STRADA: variants seen among roughly 807,000 people sequenced by gnomAD.
STRADA encodes STE20-related kinase adapter protein alpha.
A neutral mutation model predicts 55.0 loss-of-function variants in STRADA; 26 were observed. That is an observed-to-expected ratio of 0.47 (90% CI 0.35 to 0.66). The LOEUF (loss-of-function observed/expected upper bound fraction) is 0.66. STRADA is among the 30% of genes least tolerant of loss of function. The pLI is 0.01. For missense variants in STRADA, 443 were observed against 549.7 expected (o/e 0.81, Z 1.94); for synonymous variants, 197 against 210.9 (o/e 0.93, Z 0.57).
rs202183893 is a variant in STRADA at position 63,704,047 on chromosome 17, C to T, written c.1101G>A (p.Arg367=). Residue 367 remains arginine, a splice_region_variant and synonymous_variant, in exon 12 of 13, where the codon AGG becomes AGA. Coordinates refer to ENST00000336174, the MANE Select transcript of STRADA (RefSeq NM_001003787.4). Reference sequence around the variant, plus strand: ...GGTTCAGGAGGGTGCTGGCACTGGGCCTGGAGGGAAAGGGGAGGAGAGACC... The same window carrying T: ...GGTTCAGGAGGGTGCTGGCACTGGGTCTGGAGGGAAAGGGGAGGAGAGACC... ...EQCLQRNPDA[R]PSASTLLNHS... The T allele has an allele frequency of 2.2e-4, 352 of 1,613,274 alleles. No homozygotes were observed. The highest frequency in any genetic ancestry group is 2.8e-4 in the Non-Finnish European group (336 of 1,179,658).
intron 4 of STRADA, among the ~76,000 whole-genome samples, chr17:63,715,013 T>G (rs185528159): frequency 4.0e-4 from 61 of 152,326 alleles, no homozygotes; most frequent in Admixed American, 2.7e-3. Flanking sequence ...CTGGGCCAGC[T>G]CATGTTTCAT....
At chr17:63,739,178 A>G (rs2038683766) in intron 1 of STRADA, among the ~76,000 whole-genome samples, 1 of 148,710 alleles carries the variant, frequency 6.7e-6, no homozygotes, top group Non-Finnish European at 1.5e-5. Flanking sequence ...AAATAGACAC[A>G]GGGATGGAGA....
chr17:63,728,032 G>A (rs2037771283), intron 2 of STRADA: 4 of 272,912 alleles, frequency 1.5e-5, no homozygotes, highest in South Asian at 1.9e-4. Flanking sequence ...GCAGTTAAAC[G>A]TCTACACTTA....
In STRADA at chr17:63,703,552, G is replaced by T; in HGVS notation, c.*47C>A. On this transcript the variant is annotated 3_prime_UTR_variant, in exon 13 of 13. Transcript: ENST00000336174. ...GCCGGCCCTCAGGAAGGGCCTCTGG[G>T]TGGCCTCTGCATCCCTGGCTGGAGA... The T allele has an allele frequency of 6.4e-7, 1 of 1,566,360 alleles. No individual in the cohort carries two copies. Among genetic ancestry groups the T allele is most frequent in the Non-Finnish European group, 8.7e-7 (1 of 1,150,196 alleles).
At chr17:63,716,810 C>A (rs1330481159) in intron 4 of STRADA, among the ~76,000 whole-genome samples, 2 of 152,204 alleles carry the variant, frequency 1.3e-5, no homozygotes, top group African/African-American at 4.8e-5. Flanking sequence ...GTCTAGGGAA[C>A]CTTTTGTGCC....
At chr17:63,712,613 C>G (rs192760930) in intron 6 of STRADA, 1 of 152,108 alleles carries the variant, frequency 6.6e-6, no homozygotes, top group Non-Finnish European at 1.5e-5. Context: ...GGGGCTGAGG[C>G]AGGAGAATCA....
At chr17:63,713,577 T>C (rs1679850556) in intron 5 of STRADA, 50 bp from the exon 6 acceptor site, 8 of 1,585,248 alleles carry the variant, frequency 5.0e-6, no homozygotes, top group South Asian at 1.2e-5. Context: ...AACAAAAGGT[T>C]TTAAGAAAAT....
At chr17:63,705,284 C>T (rs2036008073) in intron 10 of STRADA, 1 of 307,992 alleles carries the variant, frequency 3.2e-6, no homozygotes, top group African/African-American at 2.1e-5. Flanking sequence ...TCTCACTGGT[C>T]ACCTTCTAAA....
chr17:63,724,187 G>T (rs1157326197), intron 3 of STRADA, among the ~76,000 whole-genome samples: 1 of 151,748 alleles, frequency 6.6e-6, no homozygotes, highest in East Asian at 1.9e-4. Flanking sequence ...TTATCCCCTA[G>T]GCTGGAGTGC....
chr17:63,707,478 G>A, intron 8 of STRADA, 60 bp from the exon 9 acceptor site: 1 of 1,576,558 alleles, frequency 6.3e-7, no homozygotes, highest in South Asian at 1.1e-5. Flanking sequence ...ACAAATTTTT[G>A]GTCTTCACAC....
chr17:63,704,803 G>T, intron 10 of STRADA: 1 of 1,534,908 alleles, frequency 6.5e-7, no homozygotes, highest in East Asian at 2.4e-5. Context: ...GAAAGGAGAG[G>T]GGTTGCACAA....
intron 1 of STRADA, among the ~76,000 whole-genome samples, chr17:63,729,209 TAAAC>T (rs955431041): frequency 2.6e-5 from 4 of 152,184 alleles, no homozygotes; most frequent in African/African-American, 9.7e-5. Flanking sequence ...TAATTATTCT[TAAAC>T]AATGTTTATA....
chr17:63,704,901 T>G, intron 10 of STRADA: 1 of 1,535,948 alleles, frequency 6.5e-7, no homozygotes. Context: ...TACCGTAGAG[T>G]CTTCACCCTA....
chr17:63,710,334 C>T, intron 8 of STRADA, 157 bp downstream of exon 8: 2 of 1,293,634 alleles, frequency 1.5e-6, no homozygotes, highest in Non-Finnish European at 2.1e-6. Flanking sequence ...TCGCGCTGGG[C>T]CCTGTTTCTT....
At chr17:63,713,285 A>C in intron 6 of STRADA, 121 bp downstream of exon 6, 1 of 1,369,136 alleles carries the variant, frequency 7.3e-7, no homozygotes, top group Non-Finnish European at 9.9e-7. Context: ...AGGATTCTCC[A>C]CTGAAAGCTT....
chr17:63,731,256 CTTTTTTT>C (rs60777564), intron 1 of STRADA, among the ~76,000 whole-genome samples: 6 of 78,044 alleles, frequency 7.7e-5, no homozygotes, highest in East Asian at 3.5e-4. Flanking sequence ...ATATTCTTTC[CTTTTTTT>C]TTTTTTTTTT....
Position 63,728,388 on chromosome 17 carries a change from C to A in STRADA, c.-19G>T. On this transcript the variant is annotated 5_prime_UTR_variant, in exon 2 of 13. Transcript: ENST00000336174. ...ATGACATGAGTTCCTACTGTGTAGG[C>A]CTACTTCAGTTTCAAAAACTTAAAC... 6.3e-7 allele frequency: 1 copy of A among 1,596,362 alleles called. No individual in the cohort carries two copies. The highest frequency in any genetic ancestry group is 1.1e-5 in the South Asian group (1 of 87,706).
chr17:63,711,735 A>G lies in STRADA; in HGVS notation c.349-899T>C, dbSNP rs377077409. On this transcript the variant is annotated intron_variant, in intron 6 of 12. Coordinates refer to ENST00000336174, the MANE Select transcript of STRADA (RefSeq NM_001003787.4). ...GATCACTTGAGCCCAAGAGTTGGAG[A>G]CCAGCCTGGGCAACATGGCGAAACC... 5.1e-4 allele frequency among the ~76,000 whole-genome samples: 77 copies of G among 152,134 alleles called. 1 individual carries two copies. The highest frequency in any genetic ancestry group is 3.4e-3 in the Middle Eastern group (1 of 294).
At chr17:63,733,475 A>G (rs2038212415) in intron 1 of STRADA, among the ~76,000 whole-genome samples, 1 of 152,160 alleles carries the variant, frequency 6.6e-6, no homozygotes, top group Non-Finnish European at 1.5e-5. Flanking sequence ...ACTGGCTCAA[A>G]GAATACAATC....
Sources: allele counts gnomAD v4.1 joint callset (sites outside exome capture counted in the v4.1 genomes callset), GRCh38; gene constraint gnomAD v4.1.1; transcripts MANE v1.5; gene names NCBI Gene and HGNC (gene_info 2026-07-23, HGNC 2026-07-21).